ZFAND3: variants seen among roughly 807,000 people sequenced by gnomAD.
The protein encoded by ZFAND3 is zinc finger AN1-type containing 3.
In ZFAND3, 10 loss-of-function variants were observed where a neutral mutation model predicts 29.6. The observed-to-expected ratio is 0.34, with a 90% CI of 0.21 to 0.57. ZFAND3 has a LOEUF of 0.57. Ranked by LOEUF, ZFAND3 falls within the 20% of genes least tolerant of loss-of-function variation. The probability of loss-of-function intolerance (pLI) is 0.86; values close to 1 mark genes in which losing one functional copy is unlikely to be tolerated. For missense variants in ZFAND3, 230 were observed against 304.5 expected (o/e 0.76, Z 1.82); for synonymous variants, 128 against 112.6 (o/e 1.14, Z -0.87).
intron 2 of ZFAND3, among the ~76,000 whole-genome samples, chr6:38,018,713 C>T (rs7765798): frequency 0.37 from 55,977 of 151,942 alleles, 11,097 homozygotes; most frequent in East Asian, 0.57. Flanking sequence ...AGATTACCCC[C>T]TCCTAGGCTT....
intron 2 of ZFAND3, among the ~76,000 whole-genome samples, chr6:37,938,790 A>G (rs1761750392): frequency 6.6e-6 from 1 of 152,240 alleles, no homozygotes; most frequent in African/African-American, 2.4e-5. Context: ...TATGGAAATT[A>G]TGTCAAAAAT....
rs990559161 is a variant in ZFAND3 at position 38,107,722 on chromosome 6, A to G, written c.362-8850A>G. ...GTAGCTCACACCTGTAGTCCCAGCT[A>G]CTCGAGAGGCTGAGGCAGGAAGATC... On this transcript the variant is annotated intron_variant, in intron 4 of 5. Transcript: ENST00000287218. 1.2e-4 allele frequency among the ~76,000 whole-genome samples: 18 copies of G among 152,078 alleles called. 1 individual carries two copies. The highest frequency in any genetic ancestry group is 4.1e-4 in the African/African-American group (17 of 41,414).
At chr6:38,114,466 GA>G (rs1253779086) in intron 4 of ZFAND3, among the ~76,000 whole-genome samples, 80 of 152,372 alleles carry the variant, frequency 5.3e-4, no homozygotes, top group African/African-American at 1.9e-3. Context: ...GAAATAGGCT[GA>G]ACTTGCCTTC....
At chr6:37,866,559 A>T (rs780200019) in intron 1 of ZFAND3, among the ~76,000 whole-genome samples, 10 of 152,240 alleles carry the variant, frequency 6.6e-5, no homozygotes, top group Non-Finnish European at 1.5e-4. Context: ...ATATTGGCTT[A>T]TCCAGAAAGT....
chr6:38,127,638 T>G (rs890357961), intron 5 of ZFAND3, among the ~76,000 whole-genome samples: 1 of 151,758 alleles, frequency 6.6e-6, no homozygotes, highest in Admixed American at 6.6e-5. Flanking sequence ...GTGTAGATAA[T>G]AGAATCACGT....
intron 2 of ZFAND3, among the ~76,000 whole-genome samples, chr6:37,955,365 G>GA (rs1379144239): frequency 1.3e-5 from 2 of 152,174 alleles, no homozygotes; most frequent in Admixed American, 1.3e-4. Context: ...CTGAAAAATA[G>GA]AAAATCTCAA....
chr6:37,936,741 T>G (rs535788515), intron 2 of ZFAND3, among the ~76,000 whole-genome samples: 15 of 152,340 alleles, frequency 9.8e-5, no homozygotes, highest in Non-Finnish European at 1.9e-4. Flanking sequence ...ATTTAAGTAT[T>G]AATGTAATTG....
chr6:37,926,454 T>C (rs1483319985), intron 1 of ZFAND3, among the ~76,000 whole-genome samples: 1 of 152,188 alleles, frequency 6.6e-6, no homozygotes, highest in African/African-American at 2.4e-5. Flanking sequence ...TCCATCTTCA[T>C]GTGGCTGTTT....
intron 1 of ZFAND3, among the ~76,000 whole-genome samples, chr6:37,875,642 T>C (rs1764778743): frequency 6.6e-6 from 1 of 151,888 alleles, no homozygotes; most frequent in African/African-American, 2.4e-5. Context: ...GTATTTTTTT[T>C]TTTTTTTAAA....
At chr6:38,051,110 G>C (rs1243040946) in intron 2 of ZFAND3, among the ~76,000 whole-genome samples, 1 of 152,130 alleles carries the variant, frequency 6.6e-6, no homozygotes, top group Non-Finnish European at 1.5e-5. Flanking sequence ...CAGATTGTAA[G>C]AGCATACATA....
At position 37,931,634 on chromosome 6, in the gene ZFAND3, A is replaced by G. The variant is rs193017219; in HGVS notation, c.112+1635A>G. The stretch of plus-strand genomic sequence containing the variant: ...TTAATGTGAAAGGAGGGAGTGGACC[A>G]AATCATTTGTTTTGAGAGTCTGTAG... On this transcript the variant is annotated intron_variant, in intron 2 of 5. Transcript: ENST00000287218. Among the ~76,000 whole-genome samples the G allele has an allele frequency of 3.2e-4, 48 of 152,242 alleles. 1 individual carries two copies. Among genetic ancestry groups the G allele is most frequent in the African/African-American group, 1.1e-3 (44 of 41,556 alleles).
intron 4 of ZFAND3, among the ~76,000 whole-genome samples, chr6:38,091,692 T>C (rs1764874816): frequency 3.1e-5 from 1 of 32,030 alleles, no homozygotes; most frequent in Non-Finnish European, 8.8e-5. Flanking sequence ...TTAAGGAGCC[T>C]TTTTTTTTTT....
intron 2 of ZFAND3, among the ~76,000 whole-genome samples, chr6:38,012,571 G>A (rs2127444334): frequency 6.6e-6 from 1 of 152,128 alleles, no homozygotes; most frequent in East Asian, 1.9e-4. Flanking sequence ...TAGAGACTGG[G>A]CTTCACCATA....
chr6:38,044,937 T>C lies in ZFAND3; in HGVS notation c.113-16656T>C, dbSNP rs1055703727. On this transcript the variant is annotated intron_variant, in intron 2 of 5. Coordinates refer to ENST00000287218, the MANE Select transcript of ZFAND3 (RefSeq NM_021943.3). ...TAGCTAGCCTCCAAAGCGTCTTCTG[T>C]TGATTTTTGTCTGTGGTTTTTCAAC... Among the ~76,000 whole-genome samples the C allele has an allele frequency of 4.6e-5, 7 of 152,106 alleles. No homozygotes were observed. In the South Asian group the frequency reaches 6.2e-4, roughly 13 times the overall value.
intron 1 of ZFAND3, among the ~76,000 whole-genome samples, chr6:37,901,583 G>C (rs765179434): frequency 6.6e-6 from 1 of 152,068 alleles, no homozygotes; most frequent in Non-Finnish European, 1.5e-5. Flanking sequence ...GTGCCACTGT[G>C]CTCCAGCCTG....
intron 1 of ZFAND3, among the ~76,000 whole-genome samples, chr6:37,895,602 TATC>T (rs756249488): frequency 3.9e-5 from 6 of 151,966 alleles, no homozygotes; most frequent in Non-Finnish European, 7.4e-5. Context: ...GTTACTATTC[TATC>T]ATCTGTTTCA....
intron 2 of ZFAND3, among the ~76,000 whole-genome samples, chr6:38,055,005 C>G (rs1056682805): frequency 6.6e-6 from 1 of 152,092 alleles, no homozygotes; most frequent in East Asian, 1.9e-4. Context: ...AGAAATGTTT[C>G]TATGAACGGA....
chr6:37,860,999 C>T (rs1279050345), intron 1 of ZFAND3, among the ~76,000 whole-genome samples: 2 of 152,148 alleles, frequency 1.3e-5, no homozygotes, highest in East Asian at 3.9e-4. Flanking sequence ...GTGGCTCACA[C>T]TTGTAATCCT....
At chr6:38,121,383 A>G (rs1419687731) in intron 5 of ZFAND3, among the ~76,000 whole-genome samples, 1 of 152,196 alleles carries the variant, frequency 6.6e-6, no homozygotes, top group Non-Finnish European at 1.5e-5. Context: ...TCTCTTAAAA[A>G]CTAAAAAACA....
Sources: gnomAD v4.1 joint callset for allele counts (sites outside exome capture counted in the v4.1 genomes callset) on GRCh38, gnomAD v4.1.1 for gene constraint, MANE v1.5 for transcripts, NCBI Gene and HGNC (gene_info 2026-07-23, HGNC 2026-07-21) for gene names.